The following DLAT variants were observed in gnomAD, a reference collection of about 807,000 sequenced individuals.
DLAT encodes the protein dihydrolipoyllysine-residue acetyltransferase component of pyruvate dehydrogenase complex, mitochondrial.
Under a neutral mutation model 68.0 loss-of-function variants are expected in DLAT, and 43 were observed. The ratio of observed to expected loss-of-function variants is 0.63; its 90% CI spans 0.50 to 0.81. The LOEUF is 0.81. DLAT is among the 40% of genes least tolerant of loss of function. DLAT has a pLI of 0.00. For synonymous variants in DLAT, 265 were observed against 288.6 expected (o/e 0.92, Z 0.83); for missense variants, 745 against 815.4 (o/e 0.91, Z 1.05).
chr11:112,027,013 C>A (rs1441168584), intron 2 of DLAT, among the ~76,000 whole-genome samples: 29 of 151,618 alleles, frequency 1.9e-4, no homozygotes, highest in Non-Finnish European at 1.3e-4. Context: ...ACCTCCCTCC[C>A]AGACGGGGCG....
intron 6 of DLAT, among the ~76,000 whole-genome samples, chr11:112,038,053 A>G (rs782510385): frequency 6.6e-6 from 1 of 152,226 alleles, no homozygotes; most frequent in African/African-American, 2.4e-5. Context: ...CCAACCAGAG[A>G]TAACACTGAC....
Position 112,064,134 on chromosome 11 carries a change from C to T in DLAT, c.*1599C>T. On this transcript the variant is annotated 3_prime_UTR_variant, in exon 14 of 14. Transcript: ENST00000280346. ...AAGAAACAAGCTTATCACAAGGGAC[C>T]ATCATCAATATGATCCAAATCTGGT... is the stretch of plus-strand genomic sequence containing the variant. 1.3e-6 allele frequency: 2 copies of T among 1,487,272 alleles called. No individual in the cohort carries two copies. The highest frequency in any genetic ancestry group is 2.4e-5 in the Admixed American group (1 of 41,598). 92.1% of individuals were successfully genotyped at this position (1,487,272 alleles called of 1,614,324 possible).
At position 112,025,602 on chromosome 11, in the gene DLAT, C is replaced by T. The variant is rs1268986562; in HGVS notation, c.130C>T (p.Arg44Cys). ...VTSRSGPAPARRNSVTTGYGG... is the reference protein window; with the variant it reads ...VTSRSGPAPACRNSVTTGYGG... ...CTCGCGATCTGGCCCGGCTCCCGCTCGTCGCAACAGCGTGACTACAGGGTA... is the reference window on the plus strand; with the variant it reads ...CTCGCGATCTGGCCCGGCTCCCGCTTGTCGCAACAGCGTGACTACAGGGTA... Residue 44 changes from arginine to cysteine, a missense_variant, in exon 1 of 14, where the codon CGT (arginine) becomes TGT (cysteine). Transcript: ENST00000280346. The T allele has an allele frequency of 3.1e-6, 5 of 1,613,972 alleles. No individual in the cohort carries two copies. The highest frequency in any genetic ancestry group is 4.2e-6 in the Non-Finnish European group (5 of 1,180,000).
intron 7 of DLAT, among the ~76,000 whole-genome samples, chr11:112,042,440 T>C (rs1343847962): frequency 1.3e-5 from 2 of 152,202 alleles, no homozygotes; most frequent in Non-Finnish European, 2.9e-5. Flanking sequence ...ACCTCTGTTC[T>C]AGAGCTCCTA....
rs782723101 is a variant in DLAT, at chr11:112,046,431, AT to A, written c.1398+474del. On this transcript the variant is annotated intron_variant, in intron 10 of 13. Transcript: ENST00000280346. ...ATATATGTGAGAATTTTATTTCCAG[AT>A]TTTTTTTTTTTTGTAGATCTTGTTA... 7.0e-3 allele frequency among the ~76,000 whole-genome samples: 988 copies of A among 141,356 alleles called. 5 individuals carry two copies. Among genetic ancestry groups the A allele is most frequent in the African/African-American group, 9.6e-3 (373 of 38,866 alleles). The allele number at this position is 141,356 out of a possible 152,430, so 92.7% of individuals were successfully genotyped here.
At chr11:112,037,568 C>A in intron 6 of DLAT, 108 bp downstream of exon 6, 3 of 1,039,320 alleles carry the variant, frequency 2.9e-6, no homozygotes, top group Non-Finnish European at 4.4e-6. Context: ...GATTCTATGA[C>A]TGAGGAGGGA....
Position 112,039,247 on chromosome 11 carries a change from G to T in DLAT, c.979G>T (p.Ala327Ser), listed in dbSNP as rs782478109. 1.2e-6 allele frequency: 2 copies of T among 1,613,794 alleles called. No homozygotes were observed. The highest frequency in any genetic ancestry group is 4.5e-5 in the East Asian group (2 of 44,862). The change falls in exon 7 of 14, where the codon GCC becomes TCC. Residue 327 changes from alanine (A) to serine (S), a missense_variant. By Grantham distance (99) the Ala-to-Ser change is moderately conservative. Coordinates refer to ENST00000280346, the MANE Select transcript of DLAT (RefSeq NM_001931.5). The part of the protein sequence containing the change: ...QVPPPTPPPV[A>S]AVPPTPQPLA... ...ATTTGTAATTTTTTTTCAAAAGGTG[G>T]CCGCTGTTCCTCCAACTCCCCAGCC...
At chr11:112,036,255 C>T (rs1862769810) in intron 5 of DLAT, among the ~76,000 whole-genome samples, 1 of 109,088 alleles carries the variant, frequency 9.2e-6, no homozygotes. Context: ...CTCTTGTTGC[C>T]CAGGCTGGAG....
At chr11:112,052,496 C>CT (rs1297117496) in intron 11 of DLAT, among the ~76,000 whole-genome samples, 4 of 152,092 alleles carry the variant, frequency 2.6e-5, no homozygotes, top group Non-Finnish European at 5.9e-5. Flanking sequence ...TGGGGAAACA[C>CT]TTTATGTTTA....
chr11:112,027,826 T>C (rs1592656763), intron 2 of DLAT, among the ~76,000 whole-genome samples: 1 of 149,784 alleles, frequency 6.7e-6, no homozygotes, highest in South Asian at 2.3e-4. Flanking sequence ...GGCAGGGAGG[T>C]TGCAGTGAGC....
At chr11:112,048,759 C>T (rs782806665) in intron 10 of DLAT, among the ~76,000 whole-genome samples, 26 of 151,998 alleles carry the variant, frequency 1.7e-4, no homozygotes, top group Non-Finnish European at 2.6e-4. Context: ...GTCTCGAACT[C>T]TTGACCTCAA....
chr11:112,025,932 T>C (rs1861972878), intron 1 of DLAT, among the ~76,000 whole-genome samples, 181 bp downstream of exon 1: 1 of 152,188 alleles, frequency 6.6e-6, no homozygotes, highest in South Asian at 2.1e-4. Context: ...TCTATTTCAT[T>C]GAAAGGAGAG....
intron 5 of DLAT, among the ~76,000 whole-genome samples, chr11:112,035,020 C>A (rs148871049): frequency 2.9e-3 from 434 of 152,262 alleles, no homozygotes; most frequent in Middle Eastern, 0.02. Flanking sequence ...AGGTGATCTG[C>A]CTGCCTCGGC....
rs1188242396 is a variant in DLAT, at chr11:112,041,468, T to A, written c.1130-1998T>A. On this transcript the variant is annotated intron_variant, in intron 7 of 13. Transcript: ENST00000280346. ...GTGACATTTGATTTGTTTTGAAAGA[T>A]AAGAAGGAGGCAGCTTGAGCCAACC... Among the ~76,000 whole-genome samples, 10 of 152,246 alleles carry A rather than the reference T, an allele frequency of 6.6e-5. No homozygotes were observed. In the East Asian group the frequency reaches 1.9e-3, roughly 29 times the overall value.
chr11:112,058,290 G>A (rs1463856619), intron 11 of DLAT, among the ~76,000 whole-genome samples: 4 of 152,218 alleles, frequency 2.6e-5, no homozygotes, highest in African/African-American at 9.6e-5. Flanking sequence ...AGTATTTGCT[G>A]TGTGATACCT....
chr11:112,030,151 T>C (rs1862317854), intron 4 of DLAT: 2 of 678,094 alleles, frequency 2.9e-6, no homozygotes, highest in Non-Finnish European at 5.5e-6. Flanking sequence ...CCCTAAATCA[T>C]GAAATCCTTT....
intron 4 of DLAT, among the ~76,000 whole-genome samples, chr11:112,032,126 C>G (rs1214040011): frequency 1.3e-5 from 2 of 151,826 alleles, no homozygotes; most frequent in Non-Finnish European, 2.9e-5. Context: ...AAGTGATCCG[C>G]CCCTCCCAAG....
intron 6 of DLAT, among the ~76,000 whole-genome samples, chr11:112,037,828 A>G (rs1592680049): frequency 6.8e-6 from 1 of 146,526 alleles, no homozygotes; most frequent in South Asian, 2.1e-4. Flanking sequence ...CTGAGGCTGG[A>G]GTGCAGTGGT....
chr11:112,045,076 T>G, intron 8 of DLAT, 62 bp from the exon 9 acceptor site: 2 of 1,324,816 alleles, frequency 1.5e-6, no homozygotes, highest in Non-Finnish European at 2.2e-6. Context: ...TGGCAGTCTT[T>G]CCCAGGTACT....
Sources: gnomAD v4.1 joint callset for allele counts (sites outside exome capture counted in the v4.1 genomes callset) on GRCh38, gnomAD v4.1.1 for gene constraint, MANE v1.5 for transcripts, NCBI Gene and HGNC (gene_info 2026-07-23, HGNC 2026-07-21) for gene names.